The following CCDC60 variants were observed in gnomAD, a reference collection of about 807,000 sequenced individuals.
The protein encoded by CCDC60 is coiled-coil domain-containing protein 60.
CCDC60 carries 54 observed loss-of-function variants against 63.5 expected under a neutral mutation model. The ratio of observed to expected loss-of-function variants is 0.85; its 90% CI spans 0.68 to 1.07. CCDC60 has a LOEUF of 1.07. CCDC60 is among the 50% of genes least tolerant of loss of function. The pLI, the probability that CCDC60 is intolerant of heterozygous loss-of-function variation, is 0.00. For synonymous variants in CCDC60, 206 were observed against 238.8 expected, an observed-to-expected ratio of 0.86 and a Z score of 1.27; for missense variants, 651 against 684.3, an observed-to-expected ratio of 0.95 and a Z score of 0.54.
chr12:119,352,046 T>G (rs969237499), intron 1 of CCDC60, among the ~76,000 whole-genome samples: 13 of 152,078 alleles, frequency 8.5e-5, no homozygotes, highest in African/African-American at 3.1e-4. Flanking sequence ...GGAAGCACAG[T>G]TGGGGAGGCC....
chr12:119,473,022 G>C (rs1232933508), intron 3 of CCDC60, among the ~76,000 whole-genome samples: 3 of 152,198 alleles, frequency 2.0e-5, no homozygotes, highest in African/African-American at 7.2e-5. Flanking sequence ...TGTGCTTAAT[G>C]CACACCTATT....
rs1463956578 is a variant in CCDC60 at position 119,456,088 on chromosome 12, G to T, written c.171-15906G>T. Among the ~76,000 whole-genome samples, 1 of 147,616 alleles carries T rather than the reference G, an allele frequency of 6.8e-6. No homozygotes were observed. Among genetic ancestry groups the T allele is most frequent in the African/African-American group, 2.4e-5 (1 of 40,842 alleles). On this transcript the variant is annotated intron_variant, in intron 2 of 13. Coordinates refer to ENST00000327554, the MANE Select transcript of CCDC60 (RefSeq NM_178499.5). The surrounding 1 kb of genome is among the most constrained non-coding windows in gnomAD (Gnocchi z 4.6). ...GCAAGCAAGCATGTGCAATTTCAAGGGGGTAGAGAGATGCAAAGGAATGGC... is the reference window on the plus strand; with the variant it reads ...GCAAGCAAGCATGTGCAATTTCAAGTGGGTAGAGAGATGCAAAGGAATGGC...
Position 119,353,598 on chromosome 12 carries a change from C to CTT in CCDC60, c.90+18357_90+18358dup, listed in dbSNP as rs71072514. 3.3e-3 allele frequency among the ~76,000 whole-genome samples: 222 copies of CTT among 68,244 alleles called. 1 individual carries two copies. The highest frequency in any genetic ancestry group is 4.0e-3 in the Non-Finnish European group (149 of 37,466). The allele number at this position is 68,244 out of a possible 152,430, so 44.8% of individuals were successfully genotyped here. A position where few individuals can be genotyped will look rare whatever the true frequency, so the allele number is the denominator to read the frequency against. ...CTCTCTCCTTCTTCTTCTTCTTCTT[C>CTT]TTTTTTTTTTTTTTTTTTTTTTTTT... On this transcript the variant is annotated intron_variant, in intron 1 of 13. Coordinates refer to ENST00000327554, the MANE Select transcript of CCDC60 (RefSeq NM_178499.5).
intron 13 of CCDC60, among the ~76,000 whole-genome samples, chr12:119,538,015 C>T (rs183975959): frequency 2.0e-5 from 3 of 152,342 alleles, no homozygotes; most frequent in East Asian, 3.9e-4. Context: ...CTATGCCCTG[C>T]CCCCAGAGGT....
chr12:119,400,431 T>C (rs556773272), intron 1 of CCDC60, among the ~76,000 whole-genome samples: 1 of 152,326 alleles, frequency 6.6e-6, no homozygotes, highest in South Asian at 2.1e-4. Context: ...GAGTAAATAT[T>C]TCAATATCGC....
chr12:119,457,429 A>G (rs775071876), intron 2 of CCDC60, among the ~76,000 whole-genome samples: 2 of 152,244 alleles, frequency 1.3e-5, no homozygotes, highest in Non-Finnish European at 2.9e-5. Flanking sequence ...GACTCAGCAA[A>G]TTTCCCATTG....
intron 8 of CCDC60, among the ~76,000 whole-genome samples, chr12:119,519,575 A>C (rs1566058868): frequency 6.7e-6 from 1 of 149,022 alleles, no homozygotes; most frequent in Admixed American, 6.7e-5. Context: ...CGATTCTTCC[A>C]CCTCAGCCTC....
chr12:119,357,998 A>G (rs1955735011), intron 1 of CCDC60, among the ~76,000 whole-genome samples: 1 of 152,158 alleles, frequency 6.6e-6, no homozygotes, highest in Non-Finnish European at 1.5e-5. Flanking sequence ...AGCAGGAGCA[A>G]GAACAAAAGA....
intron 1 of CCDC60, among the ~76,000 whole-genome samples, chr12:119,375,187 T>A (rs992225288): frequency 1.4e-4 from 21 of 152,312 alleles, no homozygotes; most frequent in African/African-American, 5.1e-4. Context: ...AGGGACAACG[T>A]GTCTTAAGAA....
intron 7 of CCDC60, among the ~76,000 whole-genome samples, chr12:119,514,451 AG>A (rs1566055371): frequency 6.6e-6 from 1 of 151,572 alleles, no homozygotes; most frequent in African/African-American, 2.4e-5. Context: ...AGCCTCCCAA[AG>A]TGCTGGGATT....
intron 13 of CCDC60, among the ~76,000 whole-genome samples, chr12:119,539,427 G>A (rs1219850724): frequency 6.6e-6 from 1 of 152,224 alleles, no homozygotes; most frequent in Non-Finnish European, 1.5e-5. Context: ...TGGCTACAGT[G>A]GCTTTGCTGT....
At chr12:119,360,364 G>A (rs1260525727) in intron 1 of CCDC60, among the ~76,000 whole-genome samples, 3 of 86,068 alleles carry the variant, frequency 3.5e-5, no homozygotes, top group Non-Finnish European at 6.4e-5. Context: ...CTCCCTCCCG[G>A]ACGGGGCGGC....
chr12:119,494,523 C>A (rs75848918), intron 5 of CCDC60, among the ~76,000 whole-genome samples: 1 of 152,186 alleles, frequency 6.6e-6, no homozygotes, highest in African/African-American at 2.4e-5. Context: ...GTAATCCCTA[C>A]GCTTACAATC....
intron 1 of CCDC60, among the ~76,000 whole-genome samples, chr12:119,361,166 T>TGGGGAGAGGGAGAGGGAG (rs1955785895): frequency 1.2e-5 from 1 of 81,544 alleles, no homozygotes; most frequent in Non-Finnish European, 2.3e-5. Flanking sequence ...AGGGAGACCA[T>TGGGGAGAGGGAGAGGGAG]GGGGAGAGGG....
At chr12:119,437,493 TG>T (rs1950348910) in intron 2 of CCDC60, among the ~76,000 whole-genome samples, 1 of 152,212 alleles carries the variant, frequency 6.6e-6, no homozygotes, top group African/African-American at 2.4e-5. Flanking sequence ...ATATCTATAG[TG>T]GCATCTTATT....
Position 119,528,614 on chromosome 12 carries a change from G to C in CCDC60, c.1230-1G>C, listed in dbSNP as rs2136523429. On this transcript the variant is annotated splice_acceptor_variant, in intron 11 of 13. Transcript: ENST00000327554. LOFTEE classifies it high-confidence loss of function. ...TCTCTCTTTCTCATACAACCTTGTA[G>C]GCGCCAAGAAGAGAGAGGTATCCAG... The C allele has an allele frequency of 6.2e-7, 1 of 1,612,694 alleles. No individual in the cohort carries two copies. Among genetic ancestry groups the C allele is most frequent in the East Asian group, 2.2e-5 (1 of 44,840 alleles).
intron 1 of CCDC60, among the ~76,000 whole-genome samples, chr12:119,397,121 A>G (rs886753659): frequency 2.6e-5 from 4 of 151,716 alleles, no homozygotes; most frequent in East Asian, 3.9e-4. Context: ...CTGTGAGTTC[A>G]TGCTCTCGCT....
chr12:119,456,269 TG>T lies in CCDC60; in HGVS notation c.171-15721del, dbSNP rs1950748385. Among the ~76,000 whole-genome samples, 1 of 152,124 alleles carries T rather than the reference TG, an allele frequency of 6.6e-6. No individual in the cohort carries two copies. The highest frequency in any genetic ancestry group is 1.5e-5 in the Non-Finnish European group (1 of 68,008). On this transcript the variant is annotated intron_variant, in intron 2 of 13. Coordinates refer to ENST00000327554, the MANE Select transcript of CCDC60 (RefSeq NM_178499.5). The surrounding 1 kb of genome is among the most constrained non-coding windows in gnomAD (Gnocchi z 4.6). Reference sequence around the variant, plus strand: ...GAGATTTGCCTTTTCAAAAAAGCCCTGGGGCAGCCAGGTGGCCAATAGGAAG... The same window carrying T: ...GAGATTTGCCTTTTCAAAAAAGCCCTGGGCAGCCAGGTGGCCAATAGGAAG...
At chr12:119,371,043 A>C (rs1955892546) in intron 1 of CCDC60, among the ~76,000 whole-genome samples, 1 of 152,152 alleles carries the variant, frequency 6.6e-6, no homozygotes, top group South Asian at 2.1e-4. Flanking sequence ...ATTTTAAAAA[A>C]TAAAATAAAA....
Sources: allele counts gnomAD v4.1 joint callset (sites outside exome capture counted in the v4.1 genomes callset), GRCh38; gene constraint gnomAD v4.1.1; non-coding constraint Gnocchi (gnomAD v3.1); transcripts MANE v1.5; gene names NCBI Gene and HGNC (gene_info 2026-07-23, HGNC 2026-07-21).